The following CDK13 variants were observed in gnomAD, a reference collection of about 807,000 sequenced individuals.
The protein encoded by CDK13 is cyclin-dependent kinase 13.
CDK13 carries 40 observed loss-of-function variants against 137.6 expected under a neutral mutation model. That is an observed-to-expected ratio of 0.29 (90% confidence interval 0.23 to 0.38). The LOEUF is 0.38. CDK13 is among the 10% of genes least tolerant of loss of function. The pLI, the probability that CDK13 is intolerant of heterozygous loss-of-function variation, is 1.00. For synonymous variants in CDK13, 869 were observed against 760.1 expected (o/e 1.14, Z -2.36); for missense variants, 1,704 against 1,951.8 (o/e 0.87, Z 2.39).
chr7:40,044,329 T>C (rs59914865), intron 5 of CDK13, among the ~76,000 whole-genome samples: 21,093 of 151,390 alleles, frequency 0.14, 4,834 homozygotes, highest in African/African-American at 0.48. Flanking sequence ...TTTTTTTTTT[T>C]CTTCTTTGAG....
chr7:39,958,856 G>A (rs1049657382), intron 1 of CDK13, among the ~76,000 whole-genome samples: 2 of 152,098 alleles, frequency 1.3e-5, no homozygotes, highest in Admixed American at 6.5e-5. Flanking sequence ...CTTTCAGAAG[G>A]CTTTTACAAA....
chr7:40,086,442 C>G (rs1008876113), intron 11 of CDK13, among the ~76,000 whole-genome samples: 2 of 152,196 alleles, frequency 1.3e-5, no homozygotes, highest in Non-Finnish European at 1.5e-5. Context: ...ATTCACCTTT[C>G]TAAGCCTCAA....
chr7:40,021,697 C>T (rs1280769299), intron 5 of CDK13, among the ~76,000 whole-genome samples: 2 of 151,618 alleles, frequency 1.3e-5, no homozygotes, highest in African/African-American at 2.4e-5. Flanking sequence ...CTAGACACTG[C>T]TTTAAGCTAA....
At chr7:40,091,416 G>C (rs180938648) in intron 12 of CDK13, among the ~76,000 whole-genome samples, 1 of 152,130 alleles carries the variant, frequency 6.6e-6, no homozygotes, top group East Asian at 1.9e-4. Flanking sequence ...AGCTCCTAGT[G>C]GGGGCTGGGG....
chr7:39,967,677 A>T (rs1783901910), intron 1 of CDK13, among the ~76,000 whole-genome samples: 1 of 152,148 alleles, frequency 6.6e-6, no homozygotes, highest in Admixed American at 6.5e-5. Flanking sequence ...ATTATCCATG[A>T]TGGCTATAGT....
chr7:40,086,963 C>T (rs1786801148), intron 11 of CDK13, among the ~76,000 whole-genome samples: 1 of 151,932 alleles, frequency 6.6e-6, no homozygotes, highest in Admixed American at 6.6e-5. Flanking sequence ...CAGACATGTG[C>T]CACCATGACT....
Position 40,096,131 on chromosome 7 carries a change from G to A in CDK13, c.*1151G>A, listed in dbSNP as rs1042251930. ...CCTAAATGTGTTAAAGTTCATGGGG[G>A]AGGGGTGGCAAATACCGTATTTTAA... On this transcript the variant is annotated 3_prime_UTR_variant, in exon 14 of 14. Coordinates refer to ENST00000181839, the MANE Select transcript of CDK13 (RefSeq NM_003718.5). 4 of 152,216 alleles carry A rather than the reference G, an allele frequency of 2.6e-5. No homozygotes were observed. The highest frequency in any genetic ancestry group is 4.2e-4 in the South Asian group (2 of 4,814). 9.4% of individuals were successfully genotyped at this position (152,216 alleles called of 1,614,324 possible). A position where few individuals can be genotyped will look rare whatever the true frequency, so the allele number is the denominator to read the frequency against.
chr7:40,062,405 C>T, intron 7 of CDK13: 1 of 158,208 alleles, frequency 6.3e-6, no homozygotes, highest in Admixed American at 6.3e-5. Context: ...CCTGCCTCAG[C>T]TTCCTGAGTA....
chr7:40,008,100 C>T (rs1348281504), intron 5 of CDK13, among the ~76,000 whole-genome samples: 1 of 152,182 alleles, frequency 6.6e-6, no homozygotes, highest in Admixed American at 6.5e-5. Flanking sequence ...CTGATATCTC[C>T]TGAGGTTTGA....
At chr7:40,018,238 A>G (rs868076128) in intron 5 of CDK13, among the ~76,000 whole-genome samples, 51 of 152,134 alleles carry the variant, frequency 3.4e-4, no homozygotes, top group Admixed American at 2.0e-3. Context: ...TATTAATGTA[A>G]TGCTGGAGAG....
chr7:39,963,501 C>T (rs1324204579), intron 1 of CDK13, among the ~76,000 whole-genome samples: 1 of 152,104 alleles, frequency 6.6e-6, no homozygotes, highest in African/African-American at 2.4e-5. Flanking sequence ...CTGAAGTTGC[C>T]TATCAGCTTA....
In CDK13 at chr7:40,093,209, A is replaced by G; in HGVS notation, c.3660A>G (p.Pro1220=). ...ATGAAGCGTCATTACAACTCAGGCC[A>G]CCTCCAGAACCTAGCACTCCGGTGT... is the stretch of plus-strand genomic sequence containing the variant. The part of the protein sequence containing the change: ...SGHEASLQLR[P]PPEPSTPVSG... Residue 1220 remains proline (P), a synonymous_variant, in exon 13 of 14, where the codon CCA becomes CCG. Coordinates refer to ENST00000181839, the MANE Select transcript of CDK13 (RefSeq NM_003718.5). The G allele has an allele frequency of 6.2e-7, 1 of 1,613,230 alleles. No individual in the cohort carries two copies. Among genetic ancestry groups the G allele is most frequent in the Non-Finnish European group, 8.5e-7 (1 of 1,179,666 alleles).
intron 4 of CDK13, among the ~76,000 whole-genome samples, chr7:40,000,110 T>G (rs1231531984): frequency 6.9e-6 from 1 of 144,920 alleles, no homozygotes; most frequent in Non-Finnish European, 1.6e-5. Context: ...GCGTGATTGC[T>G]CATGCCTATA....
rs1329489200 is a variant in CDK13 at position 39,988,176 on chromosome 7, G to A, written c.1789G>A (p.Glu597Lys). ...LTPSIGAKEK[E>K]QHVALVTSTL... ...ACCAAGCATAGGAGCCAAGGAGAAG[G>A]AGCAACATGTAGCTTTAGTCACCTC... The change falls in exon 2 of 14, where the codon GAG (glutamate) becomes AAG (lysine). Residue 597 changes from glutamate (E) to lysine (K), a missense_variant. Glu to Lys is a moderately conservative substitution (Grantham distance 56, BLOSUM62 1). Around this residue, in one of 5 missense-constraint regions of CDK13, gnomAD observed 1,051 missense variants for 931.0 expected, o/e 1.13. Coordinates refer to ENST00000181839, the MANE Select transcript of CDK13 (RefSeq NM_003718.5). 3.1e-6 allele frequency: 5 copies of A among 1,613,944 alleles called. No individual in the cohort carries two copies. The highest frequency in any genetic ancestry group is 4.2e-6 in the Non-Finnish European group (5 of 1,180,008).
intron 5 of CDK13, among the ~76,000 whole-genome samples, chr7:40,027,655 C>CTTT (rs761581418): frequency 3.2e-3 from 288 of 89,558 alleles, no homozygotes; most frequent in African/African-American, 6.6e-3. Flanking sequence ...CACCCTTGGG[C>CTTT]TTTTTTTTTT....
In CDK13 at chr7:39,951,466, C is replaced by T. The variant is rs528567573; in HGVS notation, c.825C>T (p.Asp275=). Reference sequence around the variant, plus strand: ...GCAGTAGCAGCCGCAAGGACCGGGACTCGAAGGCCCACCGCAGCCGGACTA... The same window carrying T: ...GCAGTAGCAGCCGCAAGGACCGGGATTCGAAGGCCCACCGCAGCCGGACTA... ...SSSSSSRKDR[D]SKAHRSRTKS... is the part of the protein sequence containing the mutation. Residue 275 remains aspartate, a synonymous_variant, in exon 1 of 14, where the codon GAC becomes GAT. Coordinates refer to ENST00000181839, the MANE Select transcript of CDK13 (RefSeq NM_003718.5). 36 of 1,538,554 alleles carry T rather than the reference C, an allele frequency of 2.3e-5. No homozygotes were observed. The highest frequency in any genetic ancestry group is 2.8e-5 in the Non-Finnish European group (32 of 1,143,320).
At chr7:39,960,795 G>A (rs1456931746) in intron 1 of CDK13, among the ~76,000 whole-genome samples, 1 of 144,198 alleles carries the variant, frequency 6.9e-6, no homozygotes, top group African/African-American at 2.6e-5. Context: ...GGCTGGTCTC[G>A]AACTCCTGAC....
At chr7:40,082,169 C>T (rs1786676484) in intron 11 of CDK13, among the ~76,000 whole-genome samples, 1 of 152,056 alleles carries the variant, frequency 6.6e-6, no homozygotes, top group African/African-American at 2.4e-5. Flanking sequence ...ACTCCTTCGA[C>T]ATTATGTGTG....
intron 9 of CDK13, among the ~76,000 whole-genome samples, chr7:40,064,957 A>ATTTTTTTTTT (rs56710188): frequency 2.2e-5 from 1 of 46,102 alleles, no homozygotes; most frequent in Non-Finnish European, 4.0e-5. Flanking sequence ...ATGCTGGGTG[A>ATTTTTTTTTT]TTTTTTTTTT....
Sources: allele counts gnomAD v4.1 joint callset (sites outside exome capture counted in the v4.1 genomes callset), GRCh38; gene constraint gnomAD v4.1.1; regional missense constraint gnomAD v4.1.1; transcripts MANE v1.5; gene names NCBI Gene and HGNC (gene_info 2026-07-23, HGNC 2026-07-21).